CACNA1A: variants seen among roughly 807,000 people sequenced by gnomAD.
CACNA1A encodes the protein calcium voltage-gated channel subunit alpha1 A.
In CACNA1A, 57 loss-of-function variants were observed where a neutral mutation model predicts 262.4. The observed-to-expected ratio is 0.22, with a 90% CI of 0.18 to 0.27. The LOEUF is 0.27. Ranked by LOEUF, CACNA1A falls within the 10% of genes least tolerant of loss-of-function variation. CACNA1A has a pLI of 1.00. For synonymous variants in CACNA1A, 1,431 were observed against 1,419.3 expected (o/e 1.01, Z -0.18); for missense variants, 2,526 against 3,562.8 (o/e 0.71, Z 7.41).
At chr19:13,331,659 C>G (rs1242256351) in intron 9 of CACNA1A, among the ~76,000 whole-genome samples, 1 of 149,546 alleles carries the variant, frequency 6.7e-6, no homozygotes, top group Non-Finnish European at 1.5e-5. Context: ...ATTATTCTGG[C>G]CTATCTCTAA....
At chr19:13,247,748 G>C (rs1221794806) in intron 30 of CACNA1A, among the ~76,000 whole-genome samples, 1 of 96,392 alleles carries the variant, frequency 1.0e-5, no homozygotes, top group East Asian at 3.2e-4. Flanking sequence ...AAATAAAAAG[G>C]AATTCAGGTC....
At chr19:13,461,596 G>A (rs2061125767) in intron 1 of CACNA1A, among the ~76,000 whole-genome samples, 1 of 152,194 alleles carries the variant, frequency 6.6e-6, no homozygotes, top group African/African-American at 2.4e-5. Flanking sequence ...GAAGCCAAAG[G>A]TTTCACTGGG....
intron 1 of CACNA1A, among the ~76,000 whole-genome samples, chr19:13,472,728 G>A (rs1978287938): frequency 6.6e-6 from 1 of 152,162 alleles, no homozygotes. Flanking sequence ...TACGCAAAGG[G>A]CCTGTAGTAG....
chr19:13,207,298 C>T lies in CACNA1A; in HGVS notation c.*15G>A. ...GGGTGCGTGGGGGGCCGGGCGGGCG[C>T]CACCTCGCCCGGGCTTAGCACCAAT... On this transcript the variant is annotated 3_prime_UTR_variant, in exon 47 of 47. Transcript: ENST00000360228. The surrounding 1 kb of genome is among the most constrained non-coding windows in gnomAD (Gnocchi z 5.7). 7 of 1,541,160 alleles carry T rather than the reference C, an allele frequency of 4.5e-6. No homozygotes were observed. The highest frequency in any genetic ancestry group is 6.1e-6 in the Non-Finnish European group (7 of 1,150,938).
Position 13,298,914 on chromosome 19 carries a change from C to T in CACNA1A, c.2719G>A (p.Glu907Lys). ...YGRESDHHAR[E>K]GSLEQPGFWE... ...AACCCGGGTTGCTCCAGGCTGCCCT[C>T]CCGGGCGTGGTGGTCCGACTCGCGG... Residue 907 changes from glutamate to lysine, a missense_variant, in exon 19 of 47, where the codon GAG becomes AAG. Glu to Lys is a moderately conservative substitution (Grantham distance 56). This residue lies in a region of CACNA1A where 765 missense variants were observed against 748.6 expected (regional missense o/e 1.02). Transcript: ENST00000360228. 1 of 1,594,670 alleles carries T rather than the reference C, an allele frequency of 6.3e-7. No homozygotes were observed. The highest frequency in any genetic ancestry group is 8.5e-7 in the Non-Finnish European group (1 of 1,177,852).
intron 3 of CACNA1A, among the ~76,000 whole-genome samples, chr19:13,422,519 T>G (rs1416442295): frequency 6.6e-6 from 1 of 152,212 alleles, no homozygotes; most frequent in Non-Finnish European, 1.5e-5. Context: ...GTTCAAACTC[T>G]GCATATTCCA....
chr19:13,249,879 G>A (rs1279158190), intron 30 of CACNA1A, among the ~76,000 whole-genome samples: 1 of 152,104 alleles, frequency 6.6e-6, no homozygotes, highest in Non-Finnish European at 1.5e-5. Flanking sequence ...GTGGGAACCT[G>A]GTTTCCTGAG....
rs2057743641 is a variant in CACNA1A at position 13,299,452 on chromosome 19, G to A, written c.2280-99C>T. The stretch of plus-strand genomic sequence containing the variant: ...ACCCACATCTCAGCCTCCCACTCCT[G>A]CTCTCCACCCTCTACTCCCCACTGA... On this transcript the variant is annotated intron_variant, in intron 18 of 46. Coordinates refer to ENST00000360228, the MANE Select transcript of CACNA1A (RefSeq NM_001127222.2). The A allele has an allele frequency of 5.3e-6, 5 of 944,782 alleles. No individual in the cohort carries two copies. The Admixed American group carries it at 7.1e-5, about 13-fold the overall frequency. The allele number at this position is 944,782 out of a possible 1,614,324, so 58.5% of individuals were successfully genotyped here.
At chr19:13,389,277 G>A (rs1052553548) in intron 3 of CACNA1A, among the ~76,000 whole-genome samples, 1 of 152,172 alleles carries the variant, frequency 6.6e-6, no homozygotes, top group Non-Finnish European at 1.5e-5. Flanking sequence ...TCATTCTGGT[G>A]CTCCATGGGT....
At chr19:13,278,122 G>A (rs1458198062) in intron 22 of CACNA1A, among the ~76,000 whole-genome samples, 1 of 150,254 alleles carries the variant, frequency 6.7e-6, no homozygotes, top group Non-Finnish European at 1.5e-5. Context: ...CCCAGAAGCT[G>A]CAAGGGCTGA....
chr19:13,350,415 C>A (rs2058885800), intron 6 of CACNA1A, among the ~76,000 whole-genome samples: 2 of 152,294 alleles, frequency 1.3e-5, no homozygotes, highest in South Asian at 4.1e-4. Context: ...ACTTAGGGGT[C>A]TGTGGACAGA....
intron 1 of CACNA1A, among the ~76,000 whole-genome samples, chr19:13,478,597 G>A (rs917161790): frequency 1.3e-5 from 2 of 152,160 alleles, no homozygotes; most frequent in African/African-American, 4.8e-5. Context: ...GGTTACAAGC[G>A]TGAGCTACCA....
At chr19:13,460,218 G>A (rs2061094531) in intron 1 of CACNA1A, among the ~76,000 whole-genome samples, 1 of 152,158 alleles carries the variant, frequency 6.6e-6, no homozygotes, top group Non-Finnish European at 1.5e-5. Context: ...GTCAGAACCT[G>A]CATTTAAAAA....
At chr19:13,375,288 T>C (rs11085846) in intron 3 of CACNA1A, among the ~76,000 whole-genome samples, 38,283 of 152,016 alleles carry the variant, frequency 0.25, 5,323 homozygotes, top group Middle Eastern at 0.32. Flanking sequence ...TTGTGTGTGT[T>C]CTGACTGCTC....
In CACNA1A at chr19:13,241,502, A is replaced by G; in HGVS notation, c.4950+3680T>C. ...AGTTAATGTAAGGCATTTAGACTTC[A>G]GAAAGAAGTAAGACCAACCGGATTC... On this transcript the variant is annotated intron_variant, in intron 31 of 46. Transcript: ENST00000360228. This position sits in a 1 kb window ranked among gnomAD's most constrained non-coding sequence, Gnocchi z 4.0. 20 of 1,517,240 alleles carry G rather than the reference A, an allele frequency of 1.3e-5. No homozygotes were observed. The highest frequency in any genetic ancestry group is 1.8e-5 in the Non-Finnish European group (20 of 1,123,786). 94.0% of individuals were successfully genotyped at this position (1,517,240 alleles called of 1,614,324 possible). A position where few individuals can be genotyped will look rare whatever the true frequency, so the allele number is the denominator to read the frequency against.
intron 3 of CACNA1A, among the ~76,000 whole-genome samples, chr19:13,402,054 C>T (rs2059908068): frequency 6.6e-6 from 1 of 152,204 alleles, no homozygotes; most frequent in African/African-American, 2.4e-5. Context: ...TTGGTTATTG[C>T]AGCTGGTGTT....
At chr19:13,371,976 A>C (rs2059331138) in intron 3 of CACNA1A, among the ~76,000 whole-genome samples, 197 bp from the exon 4 acceptor site, 1 of 152,078 alleles carries the variant, frequency 6.6e-6, no homozygotes, top group East Asian at 1.9e-4. Flanking sequence ...AAGGTGATTT[A>C]CGAAGACCCC....
Position 13,333,073 on chromosome 19 carries a change from T to C in CACNA1A, c.1199-148A>G, listed in dbSNP as rs2058493722. 4.9e-6 allele frequency: 3 copies of C among 606,362 alleles called. No individual in the cohort carries two copies. In the South Asian group the frequency reaches 6.1e-5, roughly 12 times the overall value. The allele number at this position is 606,362 out of a possible 1,614,324, so 37.6% of individuals were successfully genotyped here. On this transcript the variant is annotated intron_variant, in intron 8 of 46. Coordinates refer to ENST00000360228, the MANE Select transcript of CACNA1A (RefSeq NM_001127222.2). ...ACCAAAAAACATGCTGCTGGGTGGT[T>C]TGTGACTTCAAGCCCCACCTCCGCA... is the stretch of plus-strand genomic sequence containing the variant.
intron 19 of CACNA1A, among the ~76,000 whole-genome samples, chr19:13,294,486 G>GTTTTTTTTTT (rs1568503058): frequency 1.1e-5 from 1 of 87,248 alleles, no homozygotes; most frequent in African/African-American, 5.0e-5. Flanking sequence ...ACTGTACCTG[G>GTTTTTTTTTT]CTTTTTTTTT....
Sources: gnomAD v4.1 joint callset for allele counts (sites outside exome capture counted in the v4.1 genomes callset) on GRCh38, gnomAD v4.1.1 for gene constraint, gnomAD v4.1.1 regional missense constraint, Gnocchi (gnomAD v3.1) non-coding constraint, MANE v1.5 for transcripts, NCBI Gene and HGNC (gene_info 2026-07-23, HGNC 2026-07-21) for gene names.